Variants in NCKAP5 observed in about 807,000 individuals in gnomAD.
NCKAP5 encodes the protein nck-associated protein 5.
Under a neutral mutation model 167.0 loss-of-function variants are expected in NCKAP5, and 92 were observed. The observed-to-expected ratio is 0.55, with a 90% CI of 0.47 to 0.66. The LOEUF is 0.66. Among genes scored for constraint, NCKAP5 ranks in the 30% least tolerant of loss-of-function variants. The pLI is 0.00. For synonymous variants in NCKAP5, 891 were observed against 877.4 expected (o/e 1.02, Z -0.27); for missense variants, 2,378 against 2,315.0 (o/e 1.03, Z -0.56).
chr2:133,301,123 TAA>T (rs1431052015), intron 4 of NCKAP5, among the ~76,000 whole-genome samples: 132 of 52,920 alleles, frequency 2.5e-3, no homozygotes, highest in Non-Finnish European at 3.2e-3. Context: ...CTCAAGGAAA[TAA>T]AAGAGGACAC....
At chr2:132,696,693 A>C (rs1687348826) in intron 19 of NCKAP5, among the ~76,000 whole-genome samples, 1 of 152,196 alleles carries the variant, frequency 6.6e-6, no homozygotes, top group Non-Finnish European at 1.5e-5. Context: ...AGATTAAAAA[A>C]GCTCTCAGAA....
intron 7 of NCKAP5, among the ~76,000 whole-genome samples, chr2:132,984,364 C>A (rs1573635538): frequency 6.6e-6 from 1 of 152,146 alleles, no homozygotes; most frequent in Non-Finnish European, 1.5e-5. Context: ...GGGAAGATGG[C>A]CACCTTTCTA....
chr2:133,098,495 T>C (rs778539997), intron 6 of NCKAP5, among the ~76,000 whole-genome samples: 1 of 152,252 alleles, frequency 6.6e-6, no homozygotes, highest in Non-Finnish European at 1.5e-5. Flanking sequence ...ATTTTAGAGT[T>C]ATGTTTCAAC....
chr2:133,513,775 A>C (rs1311969641), intron 3 of NCKAP5, among the ~76,000 whole-genome samples: 1 of 152,160 alleles, frequency 6.6e-6, no homozygotes, highest in Non-Finnish European at 1.5e-5. Context: ...GGGGAGAAGA[A>C]AAGAGGGTAC....
intron 3 of NCKAP5, among the ~76,000 whole-genome samples, chr2:133,471,140 G>T (rs1479613171): frequency 3.3e-5 from 5 of 152,104 alleles, no homozygotes; most frequent in African/African-American, 1.2e-4. Context: ...AAACAGTTCA[G>T]CTCAATTGTC....
At chr2:133,621,874 A>G in the NCKAP5 span, among the ~76,000 whole-genome samples, 1 of 152,174 alleles carries the variant, frequency 6.6e-6, no homozygotes, top group African/African-American at 2.4e-5. Context: ...ACATAGAGGC[A>G]AAAATCCTCA....
At chr2:133,563,459 C>T (rs1688312302) in intron 1 of NCKAP5, among the ~76,000 whole-genome samples, 1 of 148,882 alleles carries the variant, frequency 6.7e-6, no homozygotes, top group Non-Finnish European at 1.5e-5. Flanking sequence ...ATCCCAGCTA[C>T]TTGGGAGGCT....
chr2:133,003,300 C>A (rs186570514), intron 6 of NCKAP5, among the ~76,000 whole-genome samples: 4 of 152,272 alleles, frequency 2.6e-5, no homozygotes, highest in African/African-American at 9.6e-5. Flanking sequence ...CATTGCCTTC[C>A]TCAACAAACT....
intron 3 of NCKAP5, among the ~76,000 whole-genome samples, chr2:133,376,516 T>C (rs1266591302): frequency 6.6e-6 from 1 of 152,188 alleles, no homozygotes; most frequent in Non-Finnish European, 1.5e-5. Context: ...CAACTGTCTT[T>C]ATCAACTTTC....
At chr2:133,627,224 C>A in the NCKAP5 span, among the ~76,000 whole-genome samples, 4 of 151,808 alleles carry the variant, frequency 2.6e-5, no homozygotes, top group South Asian at 6.2e-4. Context: ...AAAAAAATAA[C>A]CTCAAGGAAA....
chr2:133,479,334 G>A (rs1470871790), intron 3 of NCKAP5, among the ~76,000 whole-genome samples: 1 of 152,152 alleles, frequency 6.6e-6, no homozygotes. Flanking sequence ...GGTGATTACT[G>A]TTACAATCAC....
chr2:133,288,325 C>A (rs1194150087), intron 4 of NCKAP5, among the ~76,000 whole-genome samples: 1 of 152,146 alleles, frequency 6.6e-6, no homozygotes, highest in African/African-American at 2.4e-5. Flanking sequence ...CAAAGAATTT[C>A]TATTTTAGAG....
intron 8 of NCKAP5, among the ~76,000 whole-genome samples, chr2:132,882,960 A>G (rs1204873861): frequency 6.6e-6 from 1 of 152,054 alleles, no homozygotes; most frequent in Non-Finnish European, 1.5e-5. Context: ...TGGAAGGACA[A>G]GGTGGGAGGA....
chr2:133,043,979 T>G lies in NCKAP5; in HGVS notation c.342-49740A>C, dbSNP rs2149463487. 1.3e-5 allele frequency among the ~76,000 whole-genome samples: 2 copies of G among 152,094 alleles called. 1 individual carries two copies. The highest frequency in any genetic ancestry group is 4.8e-5 in the African/African-American group (2 of 41,492). On this transcript the variant is annotated intron_variant, in intron 6 of 19. Coordinates refer to ENST00000409261, the MANE Select transcript of NCKAP5 (RefSeq NM_207363.3). ...TTCCTCACAAATGGAATATTAAATC[T>G]CATTAAGGATTCAGATGCTACAGAA...
chr2:133,220,269 C>T (rs1438644484), intron 4 of NCKAP5, among the ~76,000 whole-genome samples: 1 of 152,108 alleles, frequency 6.6e-6, no homozygotes, highest in East Asian at 1.9e-4. Flanking sequence ...CAAACAAATG[C>T]ACAGGGATAT....
chr2:132,986,679 GAT>G (rs1355285551), intron 7 of NCKAP5, among the ~76,000 whole-genome samples: 2 of 152,082 alleles, frequency 1.3e-5, no homozygotes, highest in African/African-American at 4.8e-5. Context: ...TTTTAAAAAA[GAT>G]ATCTTTTATA....
chr2:133,661,258 G>A, the NCKAP5 span, among the ~76,000 whole-genome samples: 2 of 152,060 alleles, frequency 1.3e-5, no homozygotes. Context: ...GCATCATCAA[G>A]GAAGCAGAAA....
In NCKAP5 at chr2:132,690,762, C is replaced by A. The variant is rs1686627518; in HGVS notation, c.5714-17457G>T. 1.3e-5 allele frequency among the ~76,000 whole-genome samples: 2 copies of A among 152,164 alleles called. 1 individual carries two copies. The highest frequency in any genetic ancestry group is 4.1e-4 in the South Asian group (2 of 4,826). On this transcript the variant is annotated intron_variant, in intron 19 of 19. Coordinates refer to ENST00000409261, the MANE Select transcript of NCKAP5 (RefSeq NM_207363.3). ...GGAAGCAATAGCAGAAGGCAGAAGC[C>A]TGGACAGTAAGAGGAGGGGGGGAAA...
chr2:132,702,843 T>C (rs922581297), intron 19 of NCKAP5, among the ~76,000 whole-genome samples: 1 of 152,252 alleles, frequency 6.6e-6, no homozygotes, highest in East Asian at 1.9e-4. Flanking sequence ...CAGAGTGATT[T>C]TTAGGATTTA....
Sources: gnomAD v4.1 joint callset for allele counts (sites outside exome capture counted in the v4.1 genomes callset) on GRCh38, gnomAD v4.1.1 for gene constraint, MANE v1.5 for transcripts, NCBI Gene and HGNC (gene_info 2026-07-23, HGNC 2026-07-21) for gene names.